PDE6C: variants seen among roughly 807,000 people sequenced by gnomAD.
PDE6C encodes phosphodiesterase 6C.
Under a neutral mutation model 113.1 loss-of-function variants are expected in PDE6C, and 75 were observed. The ratio of observed to expected loss-of-function variants is 0.66; its 90% CI spans 0.55 to 0.80. PDE6C has a LOEUF of 0.80. Among genes scored for constraint, PDE6C ranks in the 30% least tolerant of loss-of-function variants. PDE6C has a pLI of 0.00. For synonymous variants in PDE6C, 375 were observed against 363.7 expected (o/e 1.03, Z -0.35); for missense variants, 912 against 1,038.6 (o/e 0.88, Z 1.67).
chr10:93,635,390 G>T, intron 9 of PDE6C, 107 bp from the exon 10 acceptor site: 1 of 827,516 alleles, frequency 1.2e-6, no homozygotes, highest in Non-Finnish European at 2.1e-6. Flanking sequence ...AAGGAATGGG[G>T]TGGTTGATGA....
chr10:93,631,398 G>C (rs1190273819), intron 8 of PDE6C, among the ~76,000 whole-genome samples: 1 of 152,230 alleles, frequency 6.6e-6, no homozygotes, highest in Non-Finnish European at 1.5e-5. Flanking sequence ...CAGTAAAGCA[G>C]GCCTGCTCCT....
At chr10:93,636,957 T>C in intron 10 of PDE6C, 38 bp from the exon 11 acceptor site, 1 of 1,078,404 alleles carries the variant, frequency 9.3e-7, no homozygotes, top group Non-Finnish European at 1.4e-6. Context: ...AATCTTCTCC[T>C]TTAGGAATTT....
intron 15 of PDE6C, among the ~76,000 whole-genome samples, chr10:93,649,437 G>T (rs994133459): frequency 6.6e-6 from 1 of 152,084 alleles, no homozygotes; most frequent in Non-Finnish European, 1.5e-5. Flanking sequence ...TCCAGAAACC[G>T]ATATTTCATT....
chr10:93,633,287 A>G (rs1483585549), intron 8 of PDE6C, among the ~76,000 whole-genome samples: 1 of 151,820 alleles, frequency 6.6e-6, no homozygotes, highest in Non-Finnish European at 1.5e-5. Context: ...CCAACATGGT[A>G]AAACCTCATC....
intron 8 of PDE6C, among the ~76,000 whole-genome samples, chr10:93,629,907 G>A (rs2058491874): frequency 1.3e-5 from 2 of 152,086 alleles, no homozygotes; most frequent in South Asian, 4.1e-4. Context: ...AACAGGCCAT[G>A]GGCCAGTACT....
At chr10:93,648,970 A>G (rs2058596846) in intron 15 of PDE6C, among the ~76,000 whole-genome samples, 2 of 152,174 alleles carry the variant, frequency 1.3e-5, no homozygotes, top group African/African-American at 4.8e-5. Flanking sequence ...AGGCAAGAAC[A>G]TGTTGGCAAT....
chr10:93,630,414 T>C (rs2058495601), intron 8 of PDE6C, among the ~76,000 whole-genome samples: 1 of 137,990 alleles, frequency 7.2e-6, no homozygotes, highest in South Asian at 2.5e-4. Flanking sequence ...ACCTGTCATC[T>C]CTGCCACTCC....
chr10:93,613,712 G>A (rs1272417657), intron 1 of PDE6C, among the ~76,000 whole-genome samples: 1 of 152,024 alleles, frequency 6.6e-6, no homozygotes, highest in African/African-American at 2.4e-5. Flanking sequence ...TTCATCTATC[G>A]ACCAAATGTG....
chr10:93,645,074 G>A (rs998521015), intron 14 of PDE6C, among the ~76,000 whole-genome samples: 1 of 151,776 alleles, frequency 6.6e-6, no homozygotes, highest in Non-Finnish European at 1.5e-5. Context: ...ATATATGGAG[G>A]CTTCAAAAGT....
At chr10:93,656,936 A>G (rs1414414765) in intron 16 of PDE6C, among the ~76,000 whole-genome samples, 1 of 152,104 alleles carries the variant, frequency 6.6e-6, no homozygotes, top group African/African-American at 2.4e-5. Context: ...GGATATCCAA[A>G]TATCTATAGC....
intron 4 of PDE6C, among the ~76,000 whole-genome samples, chr10:93,622,567 A>G (rs1450506631): frequency 6.6e-6 from 1 of 151,546 alleles, no homozygotes; most frequent in Non-Finnish European, 1.5e-5. Flanking sequence ...GACTACTTTC[A>G]GTGCCTCAAA....
intron 18 of PDE6C, among the ~76,000 whole-genome samples, chr10:93,661,486 G>GTCTTCGC (rs1450827588): frequency 1.3e-5 from 2 of 152,114 alleles, no homozygotes; most frequent in Non-Finnish European, 2.9e-5. Flanking sequence ...ATACATGACT[G>GTCTTCGC]TCTTCGCTAG....
At chr10:93,627,258 C>CAAGAAAAAAAAAA (rs71031524) in intron 7 of PDE6C, among the ~76,000 whole-genome samples, 1 of 52,582 alleles carries the variant, frequency 1.9e-5, no homozygotes, top group Admixed American at 2.8e-4. Context: ...TGAAACTCCA[C>CAAGAAAAAAAAAA]AAAAAAAAAA....
At chr10:93,624,875 C>A (rs1402559507) in intron 4 of PDE6C, among the ~76,000 whole-genome samples, 6 of 152,194 alleles carry the variant, frequency 3.9e-5, no homozygotes, top group Non-Finnish European at 5.9e-5. Flanking sequence ...GGTGAGGCCT[C>A]CTCTTATGGT....
intron 8 of PDE6C, 35 bp from the exon 9 acceptor site, chr10:93,634,723 C>CA (rs1564799657): frequency 1.2e-5 from 20 of 1,611,196 alleles, no homozygotes; most frequent in South Asian, 2.2e-5. Context: ...ACTAAAAAGG[C>CA]AAAAAAATAA....
At chr10:93,616,165 A>G (rs1028414904) in intron 1 of PDE6C, among the ~76,000 whole-genome samples, 10 of 152,228 alleles carry the variant, frequency 6.6e-5, no homozygotes, top group African/African-American at 2.2e-4. Context: ...GGAATCGTTC[A>G]AAGTTAGGTA....
At chr10:93,630,175 T>A (rs1423424880) in intron 8 of PDE6C, among the ~76,000 whole-genome samples, 2 of 152,118 alleles carry the variant, frequency 1.3e-5, no homozygotes, top group Non-Finnish European at 2.9e-5. Context: ...CCTTCTCCAC[T>A]GTGCAGAGAC....
At chr10:93,617,998 A>G (rs935557956) in intron 1 of PDE6C, among the ~76,000 whole-genome samples, 1 of 152,156 alleles carries the variant, frequency 6.6e-6, no homozygotes, top group African/African-American at 2.4e-5. Context: ...TGAAGATGCT[A>G]TGGGGAACCA....
chr10:93,633,276 G>A (rs1399066066), intron 8 of PDE6C, among the ~76,000 whole-genome samples: 1 of 151,922 alleles, frequency 6.6e-6, no homozygotes, highest in East Asian at 1.9e-4. Context: ...GATCAGCCTG[G>A]CCAACATGGT....
Sources: allele counts gnomAD v4.1 joint callset (sites outside exome capture counted in the v4.1 genomes callset), GRCh38; gene constraint gnomAD v4.1.1; transcripts MANE v1.5; gene names NCBI Gene and HGNC (gene_info 2026-07-23, HGNC 2026-07-21).